METTL22: variants seen among roughly 807,000 people sequenced by gnomAD.
The protein encoded by METTL22 is methyltransferase-like protein 22.
In METTL22, 51 loss-of-function variants were observed where a neutral mutation model predicts 48.4. The ratio of observed to expected loss-of-function variants is 1.05; its 90% confidence interval spans 0.84 to 1.33. METTL22 has a LOEUF of 1.33. Among genes scored for constraint, METTL22 ranks in the 40% most tolerant of loss-of-function variants. METTL22 has a pLI of 0.00. For synonymous variants in METTL22, 255 were observed against 214.1 expected (o/e 1.19, Z -1.67); for missense variants, 678 against 526.9 (o/e 1.29, Z -2.81).
chr16:8,639,451 G>C lies in METTL22; in HGVS notation c.772+289G>C, dbSNP rs557078819. 100 of 462,662 alleles carry C rather than the reference G, an allele frequency of 2.2e-4. 1 individual carries two copies. In the South Asian group the frequency reaches 2.6e-3, roughly 12 times the overall value. The allele number at this position is 462,662 out of a possible 1,614,324, so 28.7% of individuals were successfully genotyped here. On this transcript the variant is annotated intron_variant, in intron 6 of 10. Transcript: ENST00000381920. ...GTCTCCCCAGCTCCTTAGTTGACCCGTCCAAGATGTCCTCATGAAACATCC... is the reference window on the plus strand; with the variant it reads ...GTCTCCCCAGCTCCTTAGTTGACCCCTCCAAGATGTCCTCATGAAACATCC...
downstream of METTL22, among the ~76,000 whole-genome samples, chr16:8,653,600 T>C (rs1007927186): frequency 6.6e-6 from 1 of 152,208 alleles, no homozygotes; most frequent in African/African-American, 2.4e-5. Context: ...AGGCAATCAG[T>C]CTCTATTGAT....
downstream of METTL22, among the ~76,000 whole-genome samples, chr16:8,652,731 T>A (rs2056917885): frequency 6.6e-6 from 1 of 151,826 alleles, no homozygotes. Flanking sequence ...GAGCTGGGAG[T>A]AGGTGGCCAT....
At chr16:8,630,479 C>T (rs1431768347) in intron 3 of METTL22, among the ~76,000 whole-genome samples, 1 of 152,032 alleles carries the variant, frequency 6.6e-6, no homozygotes, top group Non-Finnish European at 1.5e-5. Context: ...CCTGTGCTGT[C>T]ATTCCACATC....
In METTL22 at chr16:8,642,153, CAA is replaced by C. The variant is rs746170525; in HGVS notation, c.854_855del (p.Gln285ArgfsTer5). 25 of 1,613,708 alleles carry C rather than the reference CAA, an allele frequency of 1.5e-5. No homozygotes were observed. The highest frequency in any genetic ancestry group is 2.0e-5 in the Non-Finnish European group (24 of 1,179,740). ...TCCCAAGGTCCCCTTCAGTTGGTCACAAGAGGAAATTTCTGACTTGTACGATC... is the reference window on the plus strand; with the variant it reads ...TCCCAAGGTCCCCTTCAGTTGGTCACGAGGAAATTTCTGACTTGTACGATC... Reference protein sequence around the residue: ...TDPKVPFSWSQEEISDLYDHT... With the variant: ...TDPKVPFSWSXEEISDLYDHT... On this transcript the variant is annotated frameshift_variant, in exon 8 of 11. Coordinates refer to ENST00000381920, the MANE Select transcript of METTL22 (RefSeq NM_024109.4). LOFTEE classifies it high-confidence loss of function.
chr16:8,635,403 AT>A, intron 5 of METTL22, 91 bp downstream of exon 5: 1 of 1,429,974 alleles, frequency 7.0e-7, no homozygotes. Context: ...GGCACTGGAA[AT>A]TGGATGTTAG....
intron 7 of METTL22, 157 bp from the exon 8 acceptor site, chr16:8,641,970 C>T (rs2056632188): frequency 1.5e-6 from 1 of 651,002 alleles, no homozygotes; most frequent in African/African-American, 1.8e-5. Flanking sequence ...AGCAGTGGGC[C>T]TGAAGCAGGG....
At chr16:8,652,309 A>C (rs1456282245), downstream of METTL22, among the ~76,000 whole-genome samples, 1 of 151,562 alleles carries the variant, frequency 6.6e-6, no homozygotes, top group Non-Finnish European at 1.5e-5. Flanking sequence ...AAATACAAAA[A>C]TTAGCCGGGC....
At chr16:8,622,527 G>C (rs2055888071) in intron 1 of METTL22, among the ~76,000 whole-genome samples, 1 of 152,194 alleles carries the variant, frequency 6.6e-6, no homozygotes, top group Admixed American at 6.5e-5. Context: ...CCAGTAAAGA[G>C]AGGAGCCCGA....
chr16:8,635,891 A>G (rs910621411), intron 5 of METTL22, among the ~76,000 whole-genome samples: 1 of 152,244 alleles, frequency 6.6e-6, no homozygotes, highest in African/African-American at 2.4e-5. Flanking sequence ...CCTCCAAATG[A>G]TAGCTGAAAT....
intron 5 of METTL22, among the ~76,000 whole-genome samples, chr16:8,636,275 CTG>C (rs2141753152): frequency 6.6e-6 from 1 of 152,306 alleles, no homozygotes; most frequent in Non-Finnish European, 1.5e-5. Flanking sequence ...TGGCTGACAT[CTG>C]TAATCCCAGC....
chr16:8,666,628 G>C, the METTL22 span: 3 of 152,148 alleles, frequency 2.0e-5, no homozygotes, highest in Non-Finnish European at 1.5e-5. Context: ...TTACAGATGG[G>C]ACTGAGGCTC....
rs745463777 is a variant in METTL22 at position 8,625,699 on chromosome 16, G to A, written c.34G>A (p.Glu12Lys). ...VQLAPAAAMD[E>K]VTFRSDTVLS... The stretch of plus-strand genomic sequence containing the variant: ...GCTGGCTCCTGCGGCAGCCATGGAC[G>A]AGGTCACCTTTAGGAGCGACACTGT... Residue 12 changes from glutamate to lysine, a missense_variant, in exon 2 of 11, where the codon GAG becomes AAG. Glu to Lys is a moderately conservative substitution (Grantham distance 56, BLOSUM62 1). Transcript: ENST00000381920. 7 of 1,614,158 alleles carry A rather than the reference G, an allele frequency of 4.3e-6. No individual in the cohort carries two copies. Among genetic ancestry groups the A allele is most frequent in the Admixed American group, 3.3e-5 (2 of 60,026 alleles).
At chr16:8,635,605 A>G (rs1192191921) in intron 5 of METTL22, among the ~76,000 whole-genome samples, 1 of 152,214 alleles carries the variant, frequency 6.6e-6, no homozygotes, top group Non-Finnish European at 1.5e-5. Flanking sequence ...GAAAGAGCAA[A>G]TATCTCCAAA....
At chr16:8,639,422 G>T in intron 6 of METTL22, 1 of 544,612 alleles carries the variant, frequency 1.8e-6, no homozygotes, top group Non-Finnish European at 3.3e-6. Context: ...CGGCCCCTGA[G>T]CTGGTCTCCC....
chr16:8,628,588 C>A, intron 2 of METTL22, 142 bp from the exon 3 acceptor site: 1 of 1,132,876 alleles, frequency 8.8e-7, no homozygotes, highest in Non-Finnish European at 1.2e-6. Flanking sequence ...ATCAAGTGGG[C>A]CTTTTCTGCT....
At chr16:8,649,866 G>C (rs929393837), downstream of METTL22, among the ~76,000 whole-genome samples, 4 of 152,014 alleles carry the variant, frequency 2.6e-5, no homozygotes, top group Admixed American at 1.3e-4. Context: ...TCTCAAACTA[G>C]TATGCACACG....
downstream of METTL22, among the ~76,000 whole-genome samples, chr16:8,649,975 T>C (rs2056870433): frequency 6.6e-6 from 1 of 152,174 alleles, no homozygotes; most frequent in Non-Finnish European, 1.5e-5. Context: ...CTGATGATGC[T>C]CGTCTGTGGG....
chr16:8,626,969 G>A (rs534704625), intron 2 of METTL22, among the ~76,000 whole-genome samples: 10 of 151,420 alleles, frequency 6.6e-5, no homozygotes, highest in Admixed American at 1.3e-4. Context: ...GGGTTTCACC[G>A]TGTTAACCAG....
At chr16:8,629,592 A>G (rs1235054948) in intron 3 of METTL22, among the ~76,000 whole-genome samples, 2 of 152,214 alleles carry the variant, frequency 1.3e-5, no homozygotes, top group South Asian at 4.2e-4. Flanking sequence ...TGGGGCGTGG[A>G]CCAGTCAGAT....
Sources: allele counts gnomAD v4.1 joint callset (sites outside exome capture counted in the v4.1 genomes callset), GRCh38; gene constraint gnomAD v4.1.1; transcripts MANE v1.5; gene names NCBI Gene and HGNC (gene_info 2026-07-23, HGNC 2026-07-21).